THEM4: variants seen among roughly 807,000 people sequenced by gnomAD.
THEM4 encodes thioesterase superfamily member 4.
A neutral mutation model predicts 25.0 loss-of-function variants in THEM4; 22 were observed. That is an observed-to-expected ratio of 0.88 (90% CI 0.63 to 1.26). The LOEUF (loss-of-function observed/expected upper bound fraction) is 1.26. Ranked by LOEUF, THEM4 falls within the 50% of genes most tolerant of loss-of-function variation. The pLI, the probability that THEM4 is intolerant of heterozygous loss-of-function variation, is 0.00. For missense variants in THEM4, 286 were observed against 300.3 expected (o/e 0.95, Z 0.35); for synonymous variants, 113 against 105.6 (o/e 1.07, Z -0.43).
At chr1:151,886,518 TA>T (rs1307062060) in intron 4 of THEM4, among the ~76,000 whole-genome samples, 1 of 152,092 alleles carries the variant, frequency 6.6e-6, no homozygotes, top group Admixed American at 6.5e-5. Context: ...TGGAAAAATA[TA>T]AAAAATTTAA....
chr1:151,889,559 G>A, intron 2 of THEM4, 186 bp from the exon 3 acceptor site: 1 of 545,004 alleles, frequency 1.8e-6, no homozygotes, highest in South Asian at 3.2e-5. Context: ...TTGCCCTTGT[G>A]GAATTAACAG....
chr1:151,884,687 G>GTTTT (rs11371460), intron 4 of THEM4, among the ~76,000 whole-genome samples: 7 of 146,490 alleles, frequency 4.8e-5, no homozygotes, highest in Non-Finnish European at 4.5e-5. Flanking sequence ...CCTTTTTTTT[G>GTTTT]TTTTTTTTTT....
At position 151,909,406 on chromosome 1, in the gene THEM4, G is replaced by T. The variant is rs1452048786; in HGVS notation, c.53C>A (p.Pro18Gln). 6 of 1,504,012 alleles carry T rather than the reference G, an allele frequency of 4.0e-6. No individual in the cohort carries two copies. Among genetic ancestry groups the T allele is most frequent in the Non-Finnish European group, 5.3e-6 (6 of 1,133,206 alleles). 93.2% of individuals were successfully genotyped at this position (1,504,012 alleles called of 1,614,324 possible). ...TCCCGGCAGGCGCCGGCCTACTGGC[G>T]GCAGGCACAGAGCCCCCAGCGTGCG... ...RLRTLGALCLPPVGRRLPGSE... is the reference protein window; with the variant it reads ...RLRTLGALCLQPVGRRLPGSE... The change falls in exon 1 of 6, where the codon CCG becomes CAG. Residue 18 changes from proline to glutamine, a missense_variant. Transcript: ENST00000368814.
intron 1 of THEM4, among the ~76,000 whole-genome samples, chr1:151,907,654 A>G (rs1654501181): frequency 6.6e-6 from 1 of 152,150 alleles, no homozygotes; most frequent in African/African-American, 2.4e-5. Flanking sequence ...CATTCCTGCA[A>G]CAGAAGGATG....
At chr1:151,886,628 C>G (rs928278567) in intron 4 of THEM4, among the ~76,000 whole-genome samples, 12 of 152,020 alleles carry the variant, frequency 7.9e-5, no homozygotes, top group Non-Finnish European at 1.3e-4. Context: ...GTAAATATGT[C>G]AACTTTCCCC....
chr1:151,903,134 C>T (rs1299429541), intron 1 of THEM4, among the ~76,000 whole-genome samples: 1 of 151,830 alleles, frequency 6.6e-6, no homozygotes, highest in African/African-American at 2.4e-5. Flanking sequence ...AATCTTTTTC[C>T]ATATATATAT....
At chr1:151,877,813 G>A (rs529781434) in intron 4 of THEM4, among the ~76,000 whole-genome samples, 22 of 152,238 alleles carry the variant, frequency 1.4e-4, no homozygotes, top group Non-Finnish European at 2.6e-4. Context: ...GGCTACAGAC[G>A]TTTCTGGGAA....
Position 151,889,613 on chromosome 1 carries a change from T to C in THEM4, c.287-240A>G, listed in dbSNP as rs1654045812. 4 of 428,306 alleles carry C rather than the reference T, an allele frequency of 9.3e-6. No homozygotes were observed. The South Asian group carries it at 2.4e-4, about 26-fold the overall frequency. The allele number at this position is 428,306 out of a possible 1,614,324, so 26.5% of individuals were successfully genotyped here. A position where few individuals can be genotyped will look rare whatever the true frequency, so the allele number is the denominator to read the frequency against. On this transcript the variant is annotated intron_variant, in intron 2 of 5. Coordinates refer to ENST00000368814, the MANE Select transcript of THEM4 (RefSeq NM_053055.5). ...AAACAGACATGAAATCAAAATGAAG[T>C]ACCCACACATGGCAATCAGGAATAT...
At chr1:151,899,718 T>C (rs1180292613) in intron 1 of THEM4, among the ~76,000 whole-genome samples, 1 of 152,134 alleles carries the variant, frequency 6.6e-6, no homozygotes, top group East Asian at 1.9e-4. Flanking sequence ...TTCTAAAAGC[T>C]TGGAAAACAT....
chr1:151,890,464 A>G (rs1001908114), intron 2 of THEM4: 1 of 198,062 alleles, frequency 5.0e-6, no homozygotes, highest in African/African-American at 2.3e-5. Flanking sequence ...ATAGCTCATC[A>G]TGATTTGCCA....
At chr1:151,879,172 A>C (rs538823276) in intron 4 of THEM4, among the ~76,000 whole-genome samples, 1 of 152,296 alleles carries the variant, frequency 6.6e-6, no homozygotes, top group South Asian at 2.1e-4. Flanking sequence ...AACTAAGAAA[A>C]TGATTAGAAA....
intron 2 of THEM4, chr1:151,890,171 C>T (rs1036159765): frequency 2.2e-6 from 1 of 456,562 alleles, no homozygotes; most frequent in Admixed American, 2.4e-5. Context: ...TCCCAAAGTG[C>T]TGGGATTATA....
intron 2 of THEM4, chr1:151,890,051 C>T (rs192931134): frequency 2.4e-4 from 69 of 286,460 alleles, no homozygotes; most frequent in Middle Eastern, 1.7e-3. Flanking sequence ...GGATTACAGG[C>T]GCCCACCACC....
At chr1:151,899,807 A>C (rs983564555) in intron 1 of THEM4, among the ~76,000 whole-genome samples, 1 of 152,228 alleles carries the variant, frequency 6.6e-6, no homozygotes, top group Non-Finnish European at 1.5e-5. Flanking sequence ...CACAAAGAGC[A>C]CCTGGGAAAT....
chr1:151,909,152 G>A (rs1654541135), intron 1 of THEM4, among the ~76,000 whole-genome samples: 1 of 152,196 alleles, frequency 6.6e-6, no homozygotes, highest in Admixed American at 6.5e-5. Flanking sequence ...ACAAAAAAAC[G>A]GGGTCACCTT....
intron 1 of THEM4, among the ~76,000 whole-genome samples, chr1:151,907,646 T>C (rs982232933): frequency 1.3e-5 from 2 of 152,200 alleles, no homozygotes; most frequent in African/African-American, 4.8e-5. Context: ...TCCTCCTTCA[T>C]TCCTGCAACA....
chr1:151,878,370 G>C (rs1236534683), intron 4 of THEM4, among the ~76,000 whole-genome samples: 1 of 152,202 alleles, frequency 6.6e-6, no homozygotes, highest in African/African-American at 2.4e-5. Context: ...TGTAGCCCTT[G>C]GGGCTGGGTT....
In THEM4 at chr1:151,887,054, A is replaced by G. The variant is rs150485520; in HGVS notation, c.557+1219T>C. On this transcript the variant is annotated intron_variant, in intron 4 of 5. Coordinates refer to ENST00000368814, the MANE Select transcript of THEM4 (RefSeq NM_053055.5). ...TAGAATGAATAAACAAATTCAGCAA[A>G]GCTGCAAGATGTAAAATCAACACAG... 2.1e-3 allele frequency among the ~76,000 whole-genome samples: 317 copies of G among 152,372 alleles called. 1 individual carries two copies. Among genetic ancestry groups the G allele is most frequent in the Non-Finnish European group, 2.6e-3 (176 of 68,034 alleles).
intron 1 of THEM4, 107 bp downstream of exon 1, chr1:151,909,253 T>C (rs1288670819): frequency 1.1e-6 from 1 of 925,190 alleles, no homozygotes; most frequent in East Asian, 3.2e-5. Context: ...TGAGCTTTTA[T>C]TCTGAGATTG....
Sources: gnomAD v4.1 joint callset for allele counts (sites outside exome capture counted in the v4.1 genomes callset) on GRCh38, gnomAD v4.1.1 for gene constraint, MANE v1.5 for transcripts, NCBI Gene and HGNC (gene_info 2026-07-23, HGNC 2026-07-21) for gene names.